Variants in CEP120 observed in about 807,000 individuals in gnomAD.
CEP120 encodes centrosomal protein 120.
A neutral mutation model predicts 126.5 loss-of-function variants in CEP120; 113 were observed. That is an observed-to-expected ratio of 0.89 (90% CI 0.77 to 1.04). CEP120 has a LOEUF of 1.04. Among genes scored for constraint, CEP120 ranks in the 50% least tolerant of loss-of-function variants. The pLI is 0.00. For synonymous variants in CEP120, 400 were observed against 394.3 expected (o/e 1.01, Z -0.17); for missense variants, 1,230 against 1,155.7 (o/e 1.06, Z -0.93).
chr5:123,380,388 G>A (rs1771553679), intron 14 of CEP120, among the ~76,000 whole-genome samples: 2 of 152,050 alleles, frequency 1.3e-5, no homozygotes, highest in Non-Finnish European at 2.9e-5. Context: ...TTTATCATAT[G>A]ACTAATTTGA....
intron 17 of CEP120, among the ~76,000 whole-genome samples, chr5:123,371,668 A>G (rs1405053720): frequency 6.6e-6 from 1 of 152,082 alleles, no homozygotes; most frequent in East Asian, 1.9e-4. Flanking sequence ...GGGACATGGA[A>G]CCATAAAAAG....
At chr5:123,385,932 T>C (rs1771990544) in intron 10 of CEP120, among the ~76,000 whole-genome samples, 1 of 152,186 alleles carries the variant, frequency 6.6e-6, no homozygotes, top group Non-Finnish European at 1.5e-5. Context: ...TACCACTTTC[T>C]ATGCAATAAA....
At chr5:123,416,300 C>T (rs188316881) in intron 2 of CEP120, among the ~76,000 whole-genome samples, 176 bp from the exon 3 acceptor site, 3 of 152,206 alleles carry the variant, frequency 2.0e-5, no homozygotes, top group Admixed American at 1.3e-4. Flanking sequence ...CAATGGCTCA[C>T]GCCTGTAATC....
chr5:123,404,763 T>C (rs1580725568), intron 4 of CEP120, among the ~76,000 whole-genome samples: 1 of 152,266 alleles, frequency 6.6e-6, no homozygotes, highest in South Asian at 2.1e-4. Context: ...TAGTTTTCCA[T>C]GTAAGTCTAG....
At chr5:123,372,507 C>T (rs892669646) in intron 17 of CEP120, 143 bp downstream of exon 17, 20 of 800,236 alleles carry the variant, frequency 2.5e-5, no homozygotes, top group Non-Finnish European at 3.6e-5. Flanking sequence ...CTAATAATGT[C>T]ACGTGCCTTT....
rs557836461 is a variant in CEP120 at position 123,373,678 on chromosome 5, T to C, written c.2359-906A>G. ...CAGGTTCTCTCTTTACAGATGTGATTGTCCTTCCAATTCCTGAGTTCTAAC... is the reference window on the plus strand; with the variant it reads ...CAGGTTCTCTCTTTACAGATGTGATCGTCCTTCCAATTCCTGAGTTCTAAC... On this transcript the variant is annotated intron_variant, in intron 16 of 19. Coordinates refer to ENST00000306467, the MANE Select transcript of CEP120 (RefSeq NM_001375405.1). 1.9e-4 allele frequency among the ~76,000 whole-genome samples: 29 copies of C among 152,236 alleles called. 1 individual carries two copies. The South Asian group carries it at 6.0e-3, about 32-fold the overall frequency.
intron 17 of CEP120, among the ~76,000 whole-genome samples, chr5:123,371,589 C>T (rs1338360262): frequency 6.6e-6 from 1 of 152,048 alleles, no homozygotes; most frequent in Non-Finnish European, 1.5e-5. Flanking sequence ...CACCGGAGCT[C>T]TGTTGTCCAG....
chr5:123,406,650 G>A (rs975737572), intron 4 of CEP120, among the ~76,000 whole-genome samples: 122 of 148,846 alleles, frequency 8.2e-4, no homozygotes, highest in Non-Finnish European at 1.5e-3. Context: ...CAAAAGTGAA[G>A]GAGAAATAAA....
intron 18 of CEP120, among the ~76,000 whole-genome samples, chr5:123,353,446 T>C (rs1169895600): frequency 3.3e-5 from 5 of 151,892 alleles, no homozygotes; most frequent in African/African-American, 1.2e-4. Flanking sequence ...TTTAATGTTT[T>C]AAAAGACTGG....
chr5:123,386,322 GC>G (rs1772015970), intron 10 of CEP120, among the ~76,000 whole-genome samples, 195 bp downstream of exon 10: 1 of 152,022 alleles, frequency 6.6e-6, no homozygotes, highest in South Asian at 2.1e-4. Flanking sequence ...TCAAAAAAGA[GC>G]CTTTATAATA....
At chr5:123,392,189 A>C (rs1418797947) in intron 6 of CEP120, among the ~76,000 whole-genome samples, 1 of 152,226 alleles carries the variant, frequency 6.6e-6, no homozygotes, top group Non-Finnish European at 1.5e-5. Flanking sequence ...AAGTATTTTT[A>C]TGATGTAAAT....
rs879311686 is a variant in CEP120, at chr5:123,423,379, T to C, written c.-381A>G. On this transcript the variant is annotated 5_prime_UTR_variant, in exon 1 of 20. Coordinates refer to ENST00000306467, the MANE Select transcript of CEP120 (RefSeq NM_001375405.1). The stretch of plus-strand genomic sequence containing the variant: ...CTAGCAACCAGGCCCGCAGGCCCAG[T>C]GCCCAGGGGAGGTTGGAGGACAACG... 20 of 290,906 alleles carry C rather than the reference T, an allele frequency of 6.9e-5. No homozygotes were observed. The highest frequency in any genetic ancestry group is 1.5e-4 in the Admixed American group (3 of 20,134). The allele number at this position is 290,906 out of a possible 1,614,324, so 18.0% of individuals were successfully genotyped here.
chr5:123,387,401 T>G (rs1772101208), intron 9 of CEP120, among the ~76,000 whole-genome samples: 1 of 152,086 alleles, frequency 6.6e-6, no homozygotes. Flanking sequence ...TCCCTATGCT[T>G]ACCACCACAC....
At chr5:123,365,826 A>C (rs1770418188) in intron 17 of CEP120, among the ~76,000 whole-genome samples, 1 of 151,486 alleles carries the variant, frequency 6.6e-6, no homozygotes, top group African/African-American at 2.4e-5. Context: ...CAATTATACA[A>C]GCAATCATGT....
rs1014636640 is a variant in CEP120 at position 123,401,779 on chromosome 5, T to C, written c.464-2495A>G. ...TTGATGAGGACAAATTCATTCTCCA[T>C]CTCTGCACGCTTATTGATCTCATCC... On this transcript the variant is annotated intron_variant, in intron 4 of 19. Transcript: ENST00000306467. 4.0e-6 allele frequency: 5 copies of C among 1,245,954 alleles called. No homozygotes were observed. The African/African-American group carries it at 5.9e-5, about 15-fold the overall frequency. 77.2% of individuals were successfully genotyped at this position (1,245,954 alleles called of 1,614,324 possible).
chr5:123,422,517 C>A, intron 1 of CEP120: 1 of 1,535,620 alleles, frequency 6.5e-7, no homozygotes, highest in African/African-American at 1.4e-5. Context: ...TCCCCTGAGT[C>A]CTCCAGCAAG....
At chr5:123,398,027 T>G (rs1233579094) in intron 5 of CEP120, among the ~76,000 whole-genome samples, 1 of 152,184 alleles carries the variant, frequency 6.6e-6, no homozygotes, top group African/African-American at 2.4e-5. Flanking sequence ...GAGGCTACAG[T>G]GAGCTATGAT....
At chr5:123,365,047 T>C (rs1342048379) in intron 17 of CEP120, among the ~76,000 whole-genome samples, 1 of 151,602 alleles carries the variant, frequency 6.6e-6, no homozygotes, top group Non-Finnish European at 1.5e-5. Flanking sequence ...GAGATGCTTT[T>C]ATAACTATAT....
intron 4 of CEP120, chr5:123,401,677 G>A: frequency 7.1e-7 from 1 of 1,406,992 alleles, no homozygotes; most frequent in Non-Finnish European, 1.0e-6. Flanking sequence ...GCCTGAGGAA[G>A]TTGATCTCAT....
Sources: gnomAD v4.1 joint callset for allele counts (sites outside exome capture counted in the v4.1 genomes callset) on GRCh38, gnomAD v4.1.1 for gene constraint, MANE v1.5 for transcripts, NCBI Gene and HGNC (gene_info 2026-07-23, HGNC 2026-07-21) for gene names.